The following GPC6 variants were observed in gnomAD, a reference collection of about 807,000 sequenced individuals.
GPC6 encodes the protein glypican-6.
Under a neutral mutation model 55.2 loss-of-function variants are expected in GPC6, and 14 were observed. The ratio of observed to expected loss-of-function variants is 0.25; its 90% confidence interval spans 0.17 to 0.40. The LOEUF (loss-of-function observed/expected upper bound fraction) is 0.40. Among genes scored for constraint, GPC6 ranks in the 10% least tolerant of loss-of-function variants. The probability of loss-of-function intolerance (pLI) is 1.00; values close to 1 mark genes in which losing one functional copy is unlikely to be tolerated. For missense variants in GPC6, 641 were observed against 708.5 expected (o/e 0.90, Z 1.08); for synonymous variants, 278 against 259.6 (o/e 1.07, Z -0.68).
the GPC6 span, among the ~76,000 whole-genome samples, chr13:93,218,625 AAAAC>A: frequency 5.3e-5 from 8 of 152,252 alleles, no homozygotes; most frequent in African/African-American, 1.9e-4. Context: ...AATCTAAACT[AAAAC>A]AAAATCACTT....
chr13:94,065,531 A>G (rs1034624708), intron 4 of GPC6, among the ~76,000 whole-genome samples: 9 of 152,206 alleles, frequency 5.9e-5, no homozygotes, highest in Non-Finnish European at 1.3e-4. Flanking sequence ...GCAACTGACA[A>G]TATTAAATAG....
At chr13:93,998,409 C>T (rs1469222588) in intron 3 of GPC6, among the ~76,000 whole-genome samples, 2 of 152,150 alleles carry the variant, frequency 1.3e-5, no homozygotes, top group African/African-American at 4.8e-5. Context: ...AAAACTCAAG[C>T]ACACCACTAA....
chr13:93,822,172 GAATT>G (rs1334853907), intron 2 of GPC6, among the ~76,000 whole-genome samples: 4 of 151,740 alleles, frequency 2.6e-5, no homozygotes, highest in Admixed American at 6.6e-5. Context: ...TACATATTGT[GAATT>G]AATTATGATT....
chr13:93,964,023 C>G (rs771910053), intron 3 of GPC6, among the ~76,000 whole-genome samples: 1 of 152,122 alleles, frequency 6.6e-6, no homozygotes, highest in Non-Finnish European at 1.5e-5. Flanking sequence ...AGATGCAACA[C>G]TTCCTGGTTT....
intron 1 of GPC6, among the ~76,000 whole-genome samples, chr13:93,425,984 G>A (rs1353016282): frequency 6.6e-6 from 1 of 152,150 alleles, no homozygotes; most frequent in East Asian, 1.9e-4. Context: ...TTAATTGAAT[G>A]TCATTTCCTC....
At chr13:93,848,629 G>T (rs969883932) in intron 3 of GPC6, among the ~76,000 whole-genome samples, 1 of 151,966 alleles carries the variant, frequency 6.6e-6, no homozygotes, top group Non-Finnish European at 1.5e-5. Context: ...TTGATTCTCT[G>T]CTAGGCATGG....
chr13:93,267,442 A>G (rs1877361788), intron 1 of GPC6, among the ~76,000 whole-genome samples: 1 of 151,894 alleles, frequency 6.6e-6, no homozygotes, highest in African/African-American at 2.4e-5. Flanking sequence ...AAAGAAATTC[A>G]CGCCAGTTTT....
intron 1 of GPC6, among the ~76,000 whole-genome samples, chr13:93,419,876 T>C (rs1342761443): frequency 6.6e-6 from 1 of 152,118 alleles, no homozygotes. Flanking sequence ...AGCTATGAAA[T>C]TGGTCTGCCC....
chr13:94,033,816 T>C (rs573861098), intron 4 of GPC6, among the ~76,000 whole-genome samples: 1 of 152,206 alleles, frequency 6.6e-6, no homozygotes, highest in Admixed American at 6.5e-5. Context: ...ACCCAAGAGC[T>C]GTATATAGCA....
rs1314034336 is a variant in GPC6 at position 93,227,723 on chromosome 13, C to CT, written c.160+110dup. On this transcript the variant is annotated intron_variant, in intron 1 of 8. Coordinates refer to ENST00000377047, the MANE Select transcript of GPC6 (RefSeq NM_005708.5). This position sits in a 1 kb window ranked among gnomAD's most constrained non-coding sequence, Gnocchi z 4.3. ...CCCCCTGTTGCTGAGTTGGTGCTCA[C>CT]TTTCTGCCACCGCTATGGGACTCCG... 1.2e-6 allele frequency: 1 copy of CT among 844,312 alleles called. No individual in the cohort carries two copies. Among genetic ancestry groups the CT allele is most frequent in the East Asian group, 2.7e-5 (1 of 36,736 alleles). 52.3% of individuals were successfully genotyped at this position (844,312 alleles called of 1,614,324 possible). A position where few individuals can be genotyped will look rare whatever the true frequency, so the allele number is the denominator to read the frequency against.
intron 2 of GPC6, among the ~76,000 whole-genome samples, chr13:93,547,740 A>C (rs1467640334): frequency 6.6e-6 from 1 of 152,130 alleles, no homozygotes; most frequent in African/African-American, 2.4e-5. Flanking sequence ...AAAAAAGAGA[A>C]TCTAAATGTG....
At chr13:93,384,992 T>A (rs560497853) in intron 1 of GPC6, among the ~76,000 whole-genome samples, 1 of 152,272 alleles carries the variant, frequency 6.6e-6, no homozygotes, top group Admixed American at 6.5e-5. Flanking sequence ...TCTCTTCTAC[T>A]GGAGAGACCA....
intron 1 of GPC6, among the ~76,000 whole-genome samples, chr13:93,431,444 C>T (rs913818951): frequency 1.3e-5 from 2 of 152,026 alleles, no homozygotes; most frequent in Admixed American, 1.3e-4. Flanking sequence ...TAAAAAAATA[C>T]ATAACAGATA....
In GPC6 at chr13:94,024,102, GACACAC is replaced by G. The variant is rs140178004; in HGVS notation, c.712-3599_712-3594del. On this transcript the variant is annotated intron_variant, in intron 3 of 8. Transcript: ENST00000377047. ...ATAAAATAGCATAGAACTGTGTATA[GACACAC>G]ACACACACACACACACACACACACA... is the stretch of plus-strand genomic sequence containing the variant. Among the ~76,000 whole-genome samples, 1,124 of 144,294 alleles carry G rather than the reference GACACAC, an allele frequency of 7.8e-3. 12 individuals are homozygous for G. The highest frequency in any genetic ancestry group is 0.027 in the African/African-American group (1,046 of 39,216). The allele number at this position is 144,294 out of a possible 152,430, so 94.7% of individuals were successfully genotyped here.
At chr13:94,365,286 T>C (rs182544421) in intron 6 of GPC6, among the ~76,000 whole-genome samples, 2 of 152,326 alleles carry the variant, frequency 1.3e-5, no homozygotes, top group East Asian at 3.9e-4. Flanking sequence ...TAAGAGTTCA[T>C]AGACAGCCTT....
At chr13:94,378,567 G>C (rs1880009813) in intron 6 of GPC6, among the ~76,000 whole-genome samples, 1 of 152,132 alleles carries the variant, frequency 6.6e-6, no homozygotes, top group Non-Finnish European at 1.5e-5. Context: ...CTTAAACTAA[G>C]AGTGTTTGTC....
intron 2 of GPC6, among the ~76,000 whole-genome samples, chr13:93,673,736 A>C (rs1881468457): frequency 6.6e-6 from 1 of 152,168 alleles, no homozygotes; most frequent in Non-Finnish European, 1.5e-5. Context: ...TCCCCAAGTT[A>C]TCTATAAACA....
intron 4 of GPC6, among the ~76,000 whole-genome samples, chr13:94,134,981 G>T (rs906268072): frequency 2.0e-5 from 3 of 152,114 alleles, no homozygotes; most frequent in Middle Eastern, 3.2e-3. Flanking sequence ...TCACCCACTC[G>T]TAACAGAAAC....
chr13:94,317,405 A>G (rs34229112), intron 6 of GPC6, among the ~76,000 whole-genome samples: 59,433 of 151,684 alleles, frequency 0.39, 12,009 homozygotes, highest in African/African-American at 0.42. Flanking sequence ...CTAGAACAAA[A>G]GGGTAAACAC....
Sources: gnomAD v4.1 joint callset for allele counts (sites outside exome capture counted in the v4.1 genomes callset) on GRCh38, gnomAD v4.1.1 for gene constraint, Gnocchi (gnomAD v3.1) non-coding constraint, MANE v1.5 for transcripts, NCBI Gene and HGNC (gene_info 2026-07-23, HGNC 2026-07-21) for gene names.